SIRT4: variants seen among roughly 807,000 people sequenced by gnomAD.
The protein encoded by SIRT4 is NAD-dependent protein lipoamidase sirtuin-4, mitochondrial.
A neutral mutation model predicts 26.1 loss-of-function variants in SIRT4; 23 were observed. The observed-to-expected ratio is 0.88, with a 90% CI of 0.63 to 1.25. The LOEUF (loss-of-function observed/expected upper bound fraction) is 1.25. Ranked by LOEUF, SIRT4 falls within the 50% of genes most tolerant of loss-of-function variation. SIRT4 has a pLI of 0.00. For synonymous variants in SIRT4, 155 were observed against 158.4 expected (o/e 0.98, Z 0.16); for missense variants, 361 against 405.4 (o/e 0.89, Z 0.94).
At chr12:120,292,238 C>T in the SIRT4 span, among the ~76,000 whole-genome samples, 1 of 152,164 alleles carries the variant, frequency 6.6e-6, no homozygotes, top group Non-Finnish European at 1.5e-5. Context: ...ACTAGCTGTG[C>T]TCGAGGGTGC....
the SIRT4 span, among the ~76,000 whole-genome samples, chr12:120,293,444 C>G: frequency 6.4e-4 from 98 of 152,272 alleles, no homozygotes; most frequent in African/African-American, 2.3e-3. Flanking sequence ...AAGCAAAGCA[C>G]TATGGGAGGA....
chr12:120,312,604 C>G lies in SIRT4; in HGVS notation c.646C>G (p.Gln216Glu). ...CTCAGAGGAGCAAGTCCGGAGCTTTCAGGTCCCAACCTGCGTTCAATGTGG... is the reference window on the plus strand; with the variant it reads ...CTCAGAGGAGCAAGTCCGGAGCTTTGAGGTCCCAACCTGCGTTCAATGTGG... ...FLSEEQVRSF[Q>E]VPTCVQCGGH... Residue 216 changes from glutamine (Q) to glutamate (E), a missense_variant, in exon 3 of 4, where the codon CAG (glutamine) becomes GAG (glutamate). Transcript: ENST00000202967. 1 of 1,614,152 alleles carries G rather than the reference C, an allele frequency of 6.2e-7. No individual in the cohort carries two copies.
the SIRT4 span, chr12:120,293,057 A>C: frequency 2.1e-5 from 3 of 139,914 alleles, no homozygotes; most frequent in South Asian, 7.5e-4. Flanking sequence ...CCCCACACAC[A>C]CAAAAAAAGC....
the SIRT4 span, among the ~76,000 whole-genome samples, chr12:120,292,239 T>C: frequency 1.2e-4 from 18 of 152,248 alleles, no homozygotes; most frequent in South Asian, 2.7e-3. Context: ...CTAGCTGTGC[T>C]CGAGGGTGCG....
chr12:120,293,132 C>T, the SIRT4 span: 14 of 152,170 alleles, frequency 9.2e-5, no homozygotes, highest in Non-Finnish European at 1.6e-4. Flanking sequence ...CCAGTGCCGA[C>T]TATATTGCAA....
At position 120,303,792 on chromosome 12, in the gene SIRT4, A is replaced by G. The variant is rs957287189; in HGVS notation, c.231A>G (p.Glu77=). The change falls in exon 2 of 4, where the codon GAA becomes GAG. Residue 77 remains glutamate (E), a synonymous_variant. Transcript: ENST00000202967. Reference sequence around the variant, plus strand: ...CGGGGATACCAGACTACAGGTCAGAAAAAGTGGGGCTTTATGCCCGCACTG... The same window carrying G: ...CGGGGATACCAGACTACAGGTCAGAGAAAGTGGGGCTTTATGCCCGCACTG... The part of the protein sequence containing the change: ...TESGIPDYRS[E]KVGLYARTDR... 5 of 1,614,134 alleles carry G rather than the reference A, an allele frequency of 3.1e-6. No homozygotes were observed. The highest frequency in any genetic ancestry group is 4.5e-5 in the East Asian group (2 of 44,880).
In SIRT4 at chr12:120,304,021, A is replaced by G; in HGVS notation, c.460A>G (p.Ser154Gly). 3 of 1,611,744 alleles carry G rather than the reference A, an allele frequency of 1.9e-6. No individual in the cohort carries two copies. The change falls in exon 2 of 4, where the codon AGT (serine) becomes GGT (glycine). Residue 154 changes from serine to glycine, a missense_variant. By Grantham distance (56) the Ser-to-Gly change is moderately conservative (BLOSUM62 0). Coordinates refer to ENST00000202967, the MANE Select transcript of SIRT4 (RefSeq NM_012240.3). ...GGATGCTTTGCACACCAAGGCGGGG[A>G]GTCGGCGCCTGACAGAGCTCCACGG... is the stretch of plus-strand genomic sequence containing the variant. ...NVDALHTKAG[S>G]RRLTELHGCM... is the part of the protein sequence containing the mutation.
chr12:120,302,720 C>CTTTTTTTTT (rs901345647), intron 1 of SIRT4, among the ~76,000 whole-genome samples: 1 of 136,832 alleles, frequency 7.3e-6, no homozygotes, highest in Non-Finnish European at 1.6e-5. Flanking sequence ...TTTTCTTTTT[C>CTTTTTTTTT]TTTTTTTTTT....
At chr12:120,298,776 G>A (rs1872429588), upstream of SIRT4, among the ~76,000 whole-genome samples, 1 of 150,126 alleles carries the variant, frequency 6.7e-6, no homozygotes, top group Non-Finnish European at 1.5e-5. Context: ...GCATGGTGGC[G>A]GGCACCCGTA....
At chr12:120,300,730 G>A (rs529241602), upstream of SIRT4, among the ~76,000 whole-genome samples, 1 of 152,268 alleles carries the variant, frequency 6.6e-6, no homozygotes, top group African/African-American at 2.4e-5. Flanking sequence ...TTACAGGTGG[G>A]AACCACTGCA....
rs202077006 is a variant in SIRT4 at position 120,312,958 on chromosome 12, C to T, written c.867C>T (p.Pro289=). ...KLPIAILNIG[P]TRSDDLACLK... is the part of the protein sequence containing the mutation. ...CGATTGCAATACTGAACATTGGGCCCACACGGTCGGATGACTTGGCGTGTC... is the reference window on the plus strand; with the variant it reads ...CGATTGCAATACTGAACATTGGGCCTACACGGTCGGATGACTTGGCGTGTC... Residue 289 remains proline (P), a synonymous_variant, in exon 4 of 4, where the codon CCC becomes CCT. Coordinates refer to ENST00000202967, the MANE Select transcript of SIRT4 (RefSeq NM_012240.3). The T allele has an allele frequency of 1.2e-6, 2 of 1,614,140 alleles. No homozygotes were observed. The highest frequency in any genetic ancestry group is 1.7e-6 in the Non-Finnish European group (2 of 1,180,036).
chr12:120,303,474 CA>C, intron 1 of SIRT4, 86 bp from the exon 2 acceptor site: 1 of 1,461,744 alleles, frequency 6.8e-7, no homozygotes. Flanking sequence ...GACTCTGTCT[CA>C]AAAAACAAAA....
intron 2 of SIRT4, among the ~76,000 whole-genome samples, chr12:120,311,882 G>A (rs1168378078): frequency 1.3e-5 from 2 of 151,884 alleles, no homozygotes; most frequent in Non-Finnish European, 2.9e-5. Context: ...AAGTATAGAG[G>A]GAAAAACGCA....
chr12:120,297,619 C>T (rs181232112), upstream of SIRT4, among the ~76,000 whole-genome samples: 1 of 152,220 alleles, frequency 6.6e-6, no homozygotes, highest in Non-Finnish European at 1.5e-5. Context: ...TTTTCCAGCA[C>T]TATGAGAAAA....
the SIRT4 span, chr12:120,293,120 T>C: frequency 1.8e-4 from 28 of 152,222 alleles, no homozygotes; most frequent in East Asian, 9.7e-4. Flanking sequence ...TGTCAAAAAT[T>C]GCCAGTGCCG....
chr12:120,298,348 C>G (rs1872409438), upstream of SIRT4, among the ~76,000 whole-genome samples: 1 of 152,096 alleles, frequency 6.6e-6, no homozygotes, highest in African/African-American at 2.4e-5. Context: ...GTAGCTCACG[C>G]CCGTAATCAC....
chr12:120,293,195 C>G, the SIRT4 span: 1 of 152,148 alleles, frequency 6.6e-6, no homozygotes. Context: ...AATCGCGCCT[C>G]GGATAGACCT....
the SIRT4 span, among the ~76,000 whole-genome samples, chr12:120,296,570 C>CA: frequency 7.0e-6 from 1 of 143,738 alleles, no homozygotes; most frequent in South Asian, 2.2e-4. Flanking sequence ...CGCAGGGGTG[C>CA]AATCACGGCT....
At chr12:120,293,472 A>C in the SIRT4 span, among the ~76,000 whole-genome samples, 121 of 152,328 alleles carry the variant, frequency 7.9e-4, no homozygotes, top group African/African-American at 2.8e-3. Flanking sequence ...AATAGACTTA[A>C]TTCAGAGACT....
Sources: gnomAD v4.1 joint callset for allele counts (sites outside exome capture counted in the v4.1 genomes callset) on GRCh38, gnomAD v4.1.1 for gene constraint, MANE v1.5 for transcripts, NCBI Gene and HGNC (gene_info 2026-07-23, HGNC 2026-07-21) for gene names.